The following CDH18 variants were observed in gnomAD, a reference collection of about 807,000 sequenced individuals.
The protein encoded by CDH18 is cadherin-18.
Under a neutral mutation model 67.9 loss-of-function variants are expected in CDH18, and 31 were observed. That is an observed-to-expected ratio of 0.46 (90% CI 0.34 to 0.62). The LOEUF (loss-of-function observed/expected upper bound fraction) is 0.62, where lower values mean the gene tolerates loss of function less well. Among genes scored for constraint, CDH18 ranks in the 20% least tolerant of loss-of-function variants. CDH18 has a pLI of 0.01. For synonymous variants in CDH18, 362 were observed against 347.2 expected, an observed-to-expected ratio of 1.04 and a Z score of -0.48; for missense variants, 890 against 975.5, an observed-to-expected ratio of 0.91 and a Z score of 1.17.
chr5:20,414,053 C>T (rs957294842), intron 1 of CDH18, among the ~76,000 whole-genome samples: 2 of 151,962 alleles, frequency 1.3e-5, no homozygotes, highest in African/African-American at 4.8e-5. Flanking sequence ...CATATGTTGG[C>T]AAGGATTTTG....
intron 8 of CDH18, 72 bp from the exon 9 acceptor site, chr5:19,544,077 A>C: frequency 1.6e-6 from 1 of 619,528 alleles, no homozygotes; most frequent in Non-Finnish European, 2.6e-6. Context: ...GGAAAGTATT[A>C]TATCTAAATA....
At chr5:19,973,901 G>A (rs1267384715) in intron 2 of CDH18, among the ~76,000 whole-genome samples, 1 of 152,090 alleles carries the variant, frequency 6.6e-6, no homozygotes, top group East Asian at 1.9e-4. Flanking sequence ...AGTTTTGAAA[G>A]AGAGGAACAA....
chr5:20,064,971 C>A (rs1742848156), intron 2 of CDH18, among the ~76,000 whole-genome samples: 1 of 151,858 alleles, frequency 6.6e-6, no homozygotes, highest in Admixed American at 6.6e-5. Context: ...TTCTCATGCA[C>A]CAGTTCTGTA....
chr5:20,195,828 G>C (rs1017775651), intron 2 of CDH18, among the ~76,000 whole-genome samples: 1 of 151,882 alleles, frequency 6.6e-6, no homozygotes, highest in African/African-American at 2.4e-5. Flanking sequence ...ATTTATCATG[G>C]GGCTTTTGTA....
Position 20,114,220 on chromosome 5 carries a change from G to A in CDH18, c.-517-122206C>T, listed in dbSNP as rs1156414883. Among the ~76,000 whole-genome samples, 5 of 152,124 alleles carry A rather than the reference G, an allele frequency of 3.3e-5. No individual in the cohort carries two copies. In the East Asian group the frequency reaches 9.6e-4, roughly 29 times the overall value. On this transcript the variant is annotated intron_variant, in intron 2 of 14. Coordinates refer to the CDH18 transcript ENST00000507958. Reference sequence around the variant, plus strand: ...AATAAACTGTACCTAAAAATATCTTGGAAATATTTTGAAATAAAGAATATC... The same window carrying A: ...AATAAACTGTACCTAAAAATATCTTAGAAATATTTTGAAATAAAGAATATC...
intron 5 of CDH18, among the ~76,000 whole-genome samples, chr5:19,644,514 G>A (rs1754461004): frequency 6.6e-6 from 1 of 152,184 alleles, no homozygotes; most frequent in Admixed American, 6.5e-5. Context: ...TGAATGGAAT[G>A]TAGATAATTC....
intron 3 of CDH18, among the ~76,000 whole-genome samples, chr5:19,764,693 A>G (rs945633029): frequency 2.0e-5 from 3 of 151,650 alleles, no homozygotes; most frequent in African/African-American, 7.3e-5. Flanking sequence ...TTATAACCAT[A>G]TATGTGTGTG....
intron 1 of CDH18, among the ~76,000 whole-genome samples, chr5:20,354,136 C>A (rs1464354874): frequency 6.6e-6 from 1 of 152,074 alleles, no homozygotes; most frequent in Non-Finnish European, 1.5e-5. Flanking sequence ...GTTTTAACTT[C>A]TCACTGAAGA....
chr5:20,041,658 G>A (rs939383779), intron 2 of CDH18, among the ~76,000 whole-genome samples: 4 of 151,980 alleles, frequency 2.6e-5, no homozygotes, highest in Non-Finnish European at 4.4e-5. Flanking sequence ...TGATGATCTC[G>A]GTACTTTTGT....
intron 2 of CDH18, among the ~76,000 whole-genome samples, chr5:19,882,472 G>T (rs1787759753): frequency 6.6e-6 from 1 of 152,024 alleles, no homozygotes; most frequent in African/African-American, 2.4e-5. Flanking sequence ...AATCTTAAGA[G>T]ATAAAGAATT....
chr5:20,533,462 A>T (rs1756536137), intron 1 of CDH18, among the ~76,000 whole-genome samples: 1 of 152,116 alleles, frequency 6.6e-6, no homozygotes, highest in African/African-American at 2.4e-5. Context: ...TTAGTTTTTG[A>T]CTCAAAAAGT....
chr5:20,538,325 G>A (rs1011040915), intron 1 of CDH18, among the ~76,000 whole-genome samples: 10 of 152,160 alleles, frequency 6.6e-5, no homozygotes, highest in African/African-American at 2.4e-4. Context: ...CATTTCTCAT[G>A]AGGATATGCT....
At chr5:20,311,810 G>T (rs999460843) in intron 1 of CDH18, among the ~76,000 whole-genome samples, 1 of 152,052 alleles carries the variant, frequency 6.6e-6, no homozygotes, top group Admixed American at 6.6e-5. Context: ...AAAAATTATT[G>T]TATGATACTC....
chr5:19,524,996 C>T (rs1223698733), intron 9 of CDH18, among the ~76,000 whole-genome samples: 3 of 152,116 alleles, frequency 2.0e-5, no homozygotes, highest in Admixed American at 6.6e-5. Context: ...CCGCCGGCCT[C>T]GGTCTCCCAA....
At chr5:20,433,641 A>G (rs918721085) in intron 1 of CDH18, among the ~76,000 whole-genome samples, 10 of 152,070 alleles carry the variant, frequency 6.6e-5, no homozygotes, top group African/African-American at 2.4e-4. Flanking sequence ...TAGGTTTCAG[A>G]TGGAAAAGGC....
intron 1 of CDH18, among the ~76,000 whole-genome samples, chr5:19,985,465 G>T (rs952631876): frequency 1.3e-5 from 2 of 151,956 alleles, no homozygotes; most frequent in African/African-American, 2.4e-5. Context: ...CTCCCCAGGG[G>T]ATAGTTAACA....
At chr5:20,442,523 A>G (rs1228864470) in intron 1 of CDH18, among the ~76,000 whole-genome samples, 1 of 151,924 alleles carries the variant, frequency 6.6e-6, no homozygotes, top group African/African-American at 2.4e-5. Flanking sequence ...CGCTAATGGC[A>G]GTTGGCCCTG....
chr5:20,118,739 C>A (rs1490373760), intron 2 of CDH18, among the ~76,000 whole-genome samples: 2 of 152,084 alleles, frequency 1.3e-5, no homozygotes, highest in East Asian at 3.9e-4. Context: ...CCCTTTTGCC[C>A]ACTGGCCCAG....
intron 1 of CDH18, among the ~76,000 whole-genome samples, chr5:20,309,545 A>G (rs75319752): frequency 0.038 from 5,715 of 152,324 alleles, 268 homozygotes; most frequent in African/African-American, 0.11. Flanking sequence ...CCTTGGAAAT[A>G]CATTTTTTCC....
Sources: gnomAD v4.1 joint callset for allele counts (sites outside exome capture counted in the v4.1 genomes callset) on GRCh38, gnomAD v4.1.1 for gene constraint, MANE v1.5 for transcripts, NCBI Gene and HGNC (gene_info 2026-07-23, HGNC 2026-07-21) for gene names.